TIMM23: variants seen among roughly 807,000 people sequenced by gnomAD.
TIMM23 encodes translocase of inner mitochondrial membrane 23, also known as mitochondrial import inner membrane translocase subunit Tim23.
A neutral mutation model predicts 30.7 loss-of-function variants in TIMM23; 19 were observed. The observed-to-expected ratio is 0.62, with a 90% CI of 0.43 to 0.91. The LOEUF is 0.91. Among genes scored for constraint, TIMM23 ranks in the 40% least tolerant of loss-of-function variants. TIMM23 has a pLI of 0.00. For synonymous variants in TIMM23, 78 were observed against 98.5 expected (o/e 0.79, Z 1.23); for missense variants, 202 against 269.2 (o/e 0.75, Z 1.75).
chr10:45,993,446 G>A, intron 6 of TIMM23, among the ~76,000 whole-genome samples: 1 of 151,798 alleles, frequency 6.6e-6, no homozygotes. Context: ...TAGAGACGGG[G>A]TTTCTCCATG....
intron 6 of TIMM23, among the ~76,000 whole-genome samples, chr10:45,999,886 G>A (rs1037951436): frequency 3.3e-5 from 5 of 152,154 alleles, no homozygotes; most frequent in Admixed American, 1.3e-4. Flanking sequence ...CCCCAGGCGC[G>A]TATTCTCTTT....
In TIMM23 at chr10:45,982,741, A is replaced by G. The variant is rs1209084516; in HGVS notation, c.260-105A>G. The G allele has an allele frequency of 3.0e-5, 47 of 1,565,980 alleles. 1 individual carries two copies. Among genetic ancestry groups the G allele is most frequent in the African/African-American group, 9.7e-5 (7 of 72,388 alleles). ...TTAATATTTACATTTGTCTTTTTCT[A>G]TTAAATAAAAATGAAAAAGAATCAG... On this transcript the variant is annotated intron_variant, in intron 3 of 6. Coordinates refer to ENST00000580018, the MANE Select transcript of TIMM23 (RefSeq NM_006327.4).
At chr10:45,997,737 C>T (rs1362997408) in intron 6 of TIMM23, among the ~76,000 whole-genome samples, 3 of 151,978 alleles carry the variant, frequency 2.0e-5, no homozygotes, top group East Asian at 1.9e-4. Context: ...CTCAGAAGGT[C>T]GAGGCTGCAG....
chr10:45,982,617 G>C lies in TIMM23; in HGVS notation c.259+1G>C. The C allele has an allele frequency of 6.2e-7, 1 of 1,613,908 alleles. No homozygotes were observed. The highest frequency in any genetic ancestry group is 2.2e-5 in the East Asian group (1 of 44,878). ...ACGATTGGAGGATGTTGCATGACAGGTGAGTGTTACATACTTTTTTCTCAA... is the reference window on the plus strand; with the variant it reads ...ACGATTGGAGGATGTTGCATGACAGCTGAGTGTTACATACTTTTTTCTCAA... On this transcript the variant is annotated splice_donor_variant, in intron 3 of 6. Coordinates refer to ENST00000580018, the MANE Select transcript of TIMM23 (RefSeq NM_006327.4). LOFTEE classifies it high-confidence loss of function.
rs117205059 is a variant in TIMM23, at chr10:46,000,642, A to G, written c.515-2561A>G. On this transcript the variant is annotated intron_variant, in intron 6 of 6. Transcript: ENST00000580018. Reference sequence around the variant, plus strand: ...TGAGAACTAATGTGAGAATCCTTCCACAAGGGCCAAGTAGATACCATGTTC... The same window carrying G: ...TGAGAACTAATGTGAGAATCCTTCCGCAAGGGCCAAGTAGATACCATGTTC... Among the ~76,000 whole-genome samples the G allele has an allele frequency of 2.0e-3, 303 of 152,356 alleles. 1 individual carries two copies. The highest frequency in any genetic ancestry group is 6.9e-3 in the East Asian group (36 of 5,190).
Position 46,003,681 on chromosome 10 carries a change from G to C in TIMM23, c.*363G>C, listed in dbSNP as rs975457358. On this transcript the variant is annotated 3_prime_UTR_variant, in exon 7 of 7. Coordinates refer to ENST00000580018, the MANE Select transcript of TIMM23 (RefSeq NM_006327.4). Reference sequence around the variant, plus strand: ...TCATTTAATGATCCAAAACTGTAATGTTGCACTGTATTCCAAATAAAGGGT... The same window carrying C: ...TCATTTAATGATCCAAAACTGTAATCTTGCACTGTATTCCAAATAAAGGGT... The C allele has an allele frequency of 6.0e-6, 1 of 167,438 alleles. No individual in the cohort carries two copies. The highest frequency in any genetic ancestry group is 1.3e-5 in the Non-Finnish European group (1 of 77,774). 10.4% of individuals were successfully genotyped at this position (167,438 alleles called of 1,614,324 possible). A position where few individuals can be genotyped will look rare whatever the true frequency, so the allele number is the denominator to read the frequency against.
At chr10:45,981,234 T>C (rs1837835055) in intron 2 of TIMM23, among the ~76,000 whole-genome samples, 1 of 127,046 alleles carries the variant, frequency 7.9e-6, no homozygotes, top group East Asian at 2.2e-4. Flanking sequence ...GCACCGTGCC[T>C]GGCCAAGTTT....
chr10:45,986,311 G>A (rs61849535), intron 5 of TIMM23, among the ~76,000 whole-genome samples: 11 of 152,106 alleles, frequency 7.2e-5, no homozygotes, highest in Non-Finnish European at 1.2e-4. Flanking sequence ...GAGTCACCCC[G>A]CTCTGTTTCT....
chr10:45,990,566 C>A (rs1554915580), intron 6 of TIMM23: 1 of 318,482 alleles, frequency 3.1e-6, no homozygotes, highest in Admixed American at 4.3e-5. Flanking sequence ...TACAGGCACA[C>A]GCCTCCACAC....
Position 45,979,792 on chromosome 10 carries a change from T to G in TIMM23, c.166-2731T>G, listed in dbSNP as rs1406763134. On this transcript the variant is annotated intron_variant, in intron 2 of 6. Transcript: ENST00000580018. ...CATTATTTTTGAAATGTTTTTCAAA[T>G]GTTATATTTTAACATTGGGTGTTCA... 2.0e-5 allele frequency among the ~76,000 whole-genome samples: 3 copies of G among 152,150 alleles called. No individual in the cohort carries two copies. In the South Asian group the frequency reaches 6.2e-4, roughly 31 times the overall value.
chr10:45,988,672 T>C (rs1158093236), intron 5 of TIMM23, 65 bp from the exon 6 acceptor site: 23 of 1,155,170 alleles, frequency 2.0e-5, no homozygotes, highest in Non-Finnish European at 3.0e-5. Context: ...AAAACCAATA[T>C]ATGTATATCA....
chr10:45,999,236 G>C (rs1838444300), intron 6 of TIMM23, among the ~76,000 whole-genome samples: 1 of 152,066 alleles, frequency 6.6e-6, no homozygotes, highest in Non-Finnish European at 1.5e-5. Flanking sequence ...CACCTCCTAG[G>C]CTCAAGCAAT....
At chr10:45,985,482 G>A in intron 5 of TIMM23, 41 bp downstream of exon 5, 1 of 1,607,520 alleles carries the variant, frequency 6.2e-7, no homozygotes, top group Admixed American at 1.7e-5. Context: ...GTTAAAGAAA[G>A]AATGCACAAA....
intron 1 of TIMM23, 117 bp from the exon 2 acceptor site, chr10:45,975,337 C>T (rs1554912775): frequency 3.2e-5 from 45 of 1,386,260 alleles, no homozygotes; most frequent in African/African-American, 2.2e-4. Context: ...AAAAATTTTC[C>T]GCCTTCAGTG....
At chr10:45,987,105 A>G (rs1323177269) in intron 5 of TIMM23, among the ~76,000 whole-genome samples, 1 of 152,088 alleles carries the variant, frequency 6.6e-6, no homozygotes, top group African/African-American at 2.4e-5. Context: ...TTCAGATGGT[A>G]CAAATGCTCT....
chr10:45,978,600 T>G (rs1206035578), intron 2 of TIMM23, among the ~76,000 whole-genome samples: 2 of 152,218 alleles, frequency 1.3e-5, no homozygotes, highest in Admixed American at 1.3e-4. Flanking sequence ...GATACCTCTT[T>G]ACACCCACGG....
At chr10:46,000,121 AT>A (rs2132286062) in intron 6 of TIMM23, among the ~76,000 whole-genome samples, 1 of 152,290 alleles carries the variant, frequency 6.6e-6, no homozygotes, top group South Asian at 2.1e-4. Context: ...GGTTAACGCA[AT>A]TATCACATGG....
At chr10:45,983,932 C>T (rs1343818585) in intron 4 of TIMM23, among the ~76,000 whole-genome samples, 5 of 152,074 alleles carry the variant, frequency 3.3e-5, no homozygotes, top group African/African-American at 4.8e-5. Context: ...TTTGTAGAGA[C>T]GGGGTCTCAC....
rs782238426 is a variant in TIMM23 at position 46,003,356 on chromosome 10, G to C, written c.*38G>C. 5.8e-6 allele frequency: 8 copies of C among 1,376,132 alleles called. No individual in the cohort carries two copies. In the Admixed American group the frequency reaches 6.8e-5, roughly 12 times the overall value. The allele number at this position is 1,376,132 out of a possible 1,614,324, so 85.2% of individuals were successfully genotyped here. A position where few individuals can be genotyped will look rare whatever the true frequency, so the allele number is the denominator to read the frequency against. On this transcript the variant is annotated 3_prime_UTR_variant, in exon 7 of 7. Transcript: ENST00000580018. Reference sequence around the variant, plus strand: ...CTCATGAATGGAGGACACTTCAGTAGTCATCTAGATCCTTTTATAAGACAG... The same window carrying C: ...CTCATGAATGGAGGACACTTCAGTACTCATCTAGATCCTTTTATAAGACAG...
Sources: gnomAD v4.1 joint callset for allele counts (sites outside exome capture counted in the v4.1 genomes callset) on GRCh38, gnomAD v4.1.1 for gene constraint, MANE v1.5 for transcripts, NCBI Gene and HGNC (gene_info 2026-07-23, HGNC 2026-07-21) for gene names.